Variants in SAMSN1 observed in about 807,000 individuals in gnomAD.
The protein encoded by SAMSN1 is SAM domain, SH3 domain and nuclear localization signals 1.
SAMSN1 carries 31 observed loss-of-function variants against 42.0 expected under a neutral mutation model. That is an observed-to-expected ratio of 0.74 (90% CI 0.55 to 1.00). The LOEUF (loss-of-function observed/expected upper bound fraction) is 1.00, where lower values mean the gene tolerates loss of function less well. SAMSN1 is among the 50% of genes least tolerant of loss of function. SAMSN1 has a pLI of 0.00. For synonymous variants in SAMSN1, 178 were observed against 151.9 expected, an observed-to-expected ratio of 1.17 and a Z score of -1.26; for missense variants, 464 against 439.4, an observed-to-expected ratio of 1.06 and a Z score of -0.50.
rs376497126 is a variant in SAMSN1 at position 14,611,675 on chromosome 21, A to G, written c.235+1201T>C. On this transcript the variant is annotated intron_variant, in intron 4 of 15. Coordinates refer to the SAMSN1 transcript ENST00000647101. Reference sequence around the variant, plus strand: ...ATTCAAATTAGGGCTGATATTCAAAATATTTAACAACGAGTGACTGCAGGA... The same window carrying G: ...ATTCAAATTAGGGCTGATATTCAAAGTATTTAACAACGAGTGACTGCAGGA... 7.4e-4 allele frequency among the ~76,000 whole-genome samples: 113 copies of G among 152,316 alleles called. 1 individual carries two copies. The South Asian group carries it at 8.1e-3, about 11-fold the overall frequency.
intron 2 of SAMSN1, among the ~76,000 whole-genome samples, chr21:14,572,286 G>T (rs960282566): frequency 6.6e-6 from 1 of 152,088 alleles, no homozygotes; most frequent in African/African-American, 2.4e-5. Flanking sequence ...ATTCCACAAA[G>T]AAATCTTTGT....
rs764162016 is a variant in SAMSN1, at chr21:14,486,083, G to A, written c.951C>T (p.Pro317=). The A allele has an allele frequency of 4.8e-5, 77 of 1,613,388 alleles. No individual in the cohort carries two copies. Among genetic ancestry groups the A allele is most frequent in the Non-Finnish European group, 6.4e-5 (76 of 1,179,674 alleles). The part of the protein sequence containing the change: ...IIQEQENEPE[P]LSLSSDISLN... The stretch of plus-strand genomic sequence containing the variant: ...AGGAGATGTCTGAGCTCAAGGATAG[G>A]GGCTCAGGTTCATTTTCTTGCTCTT... Residue 317 remains proline, a synonymous_variant, in exon 8 of 8, where the codon CCC becomes CCT. Coordinates refer to ENST00000400566, the MANE Select transcript of SAMSN1 (RefSeq NM_022136.5).
At chr21:14,566,044 A>C (rs943851883) in intron 2 of SAMSN1, among the ~76,000 whole-genome samples, 1 of 152,186 alleles carries the variant, frequency 6.6e-6, no homozygotes, top group South Asian at 2.1e-4. Context: ...GTTATTAGTA[A>C]AGACATAATC....
At chr21:14,539,594 A>G (rs1215413000) in intron 1 of SAMSN1, among the ~76,000 whole-genome samples, 1 of 151,870 alleles carries the variant, frequency 6.6e-6, no homozygotes, top group Non-Finnish European at 1.5e-5. Flanking sequence ...AAGGGATGTG[A>G]AGGACCTCTT....
chr21:14,638,319 A>AT (rs950665208), intron 2 of SAMSN1, among the ~76,000 whole-genome samples: 3 of 152,050 alleles, frequency 2.0e-5, no homozygotes, highest in Non-Finnish European at 2.9e-5. Flanking sequence ...TGTTTTACTC[A>AT]TTTTTTATAT....
chr21:14,620,305 G>A (rs1982967884), intron 2 of SAMSN1, among the ~76,000 whole-genome samples: 1 of 152,084 alleles, frequency 6.6e-6, no homozygotes, highest in Non-Finnish European at 1.5e-5. Context: ...TCCCTATGCT[G>A]TTCTCGTGAT....
chr21:14,489,603 C>G (rs1040235829), intron 7 of SAMSN1, among the ~76,000 whole-genome samples: 7 of 152,068 alleles, frequency 4.6e-5, no homozygotes, highest in African/African-American at 1.7e-4. Flanking sequence ...AAGGGTCTTT[C>G]TTATTGCTGC....
intron 2 of SAMSN1, among the ~76,000 whole-genome samples, chr21:14,564,150 A>C (rs1981033082): frequency 6.6e-6 from 1 of 152,138 alleles, no homozygotes; most frequent in African/African-American, 2.4e-5. Flanking sequence ...GAACCCATGC[A>C]ATTGATTTCA....
intron 5 of SAMSN1, among the ~76,000 whole-genome samples, chr21:14,505,966 A>G (rs1430572268): frequency 2.0e-5 from 3 of 151,944 alleles, no homozygotes; most frequent in African/African-American, 7.2e-5. Flanking sequence ...CCATGCAAAT[A>G]TATGATCCCT....
chr21:14,601,852 A>G (rs551296426), intron 6 of SAMSN1, among the ~76,000 whole-genome samples: 1 of 152,340 alleles, frequency 6.6e-6, no homozygotes, highest in East Asian at 1.9e-4. Flanking sequence ...TTTTTCATTT[A>G]TATTTCAATT....
At chr21:14,628,673 T>G (rs1406382298) in intron 2 of SAMSN1, among the ~76,000 whole-genome samples, 4 of 152,276 alleles carry the variant, frequency 2.6e-5, no homozygotes, top group African/African-American at 9.6e-5. Context: ...AAGTTATGAA[T>G]GAGATCACTT....
intron 2 of SAMSN1, among the ~76,000 whole-genome samples, chr21:14,639,145 C>T (rs1983535997): frequency 6.6e-6 from 1 of 152,204 alleles, no homozygotes; most frequent in Admixed American, 6.5e-5. Context: ...TCAATATAGA[C>T]AGCAAGTCAG....
At chr21:14,520,755 G>T (rs1033997635) in intron 2 of SAMSN1, among the ~76,000 whole-genome samples, 1 of 152,150 alleles carries the variant, frequency 6.6e-6, no homozygotes, top group African/African-American at 2.4e-5. Flanking sequence ...CGGAGCTATG[G>T]GAAGGTCGTG....
chr21:14,652,586 A>G (rs951170585), intron 1 of SAMSN1, among the ~76,000 whole-genome samples: 2 of 152,100 alleles, frequency 1.3e-5, no homozygotes, highest in Admixed American at 6.6e-5. Context: ...CTATGAAACT[A>G]GAAGAAAACA....
At chr21:14,593,594 A>G (rs1982156920) in intron 7 of SAMSN1, 1 of 153,560 alleles carries the variant, frequency 6.5e-6, no homozygotes, top group South Asian at 2.0e-4. Flanking sequence ...CCAATTAATT[A>G]CTTGATTTCC....
chr21:14,528,848 G>A (rs766698778), intron 1 of SAMSN1, among the ~76,000 whole-genome samples: 1 of 151,718 alleles, frequency 6.6e-6, no homozygotes, highest in Non-Finnish European at 1.5e-5. Context: ...TGCCATGACC[G>A]TTACCGAGAG....
At chr21:14,618,691 TGCGCGCGCGCGCACGCGC>T (rs1314676475) in intron 2 of SAMSN1, among the ~76,000 whole-genome samples, 4 of 15,764 alleles carry the variant, frequency 2.5e-4, no homozygotes, top group African/African-American at 5.8e-4. Flanking sequence ...TGTGTGTGTG[TGCGCGCGCGCGCACGCGC>T]GTGTGTGTGT....
chr21:14,600,837 G>A (rs1321360112), intron 6 of SAMSN1, among the ~76,000 whole-genome samples: 1 of 152,088 alleles, frequency 6.6e-6, no homozygotes, highest in Non-Finnish European at 1.5e-5. Context: ...TCTTCCAGCT[G>A]TGCTTGTGCA....
At chr21:14,490,464 C>T (rs1986635543) in intron 7 of SAMSN1, among the ~76,000 whole-genome samples, 1 of 152,124 alleles carries the variant, frequency 6.6e-6, no homozygotes, top group Non-Finnish European at 1.5e-5. Flanking sequence ...AATGAAAACC[C>T]AGCCACTGTT....
Sources: gnomAD v4.1 joint callset for allele counts (sites outside exome capture counted in the v4.1 genomes callset) on GRCh38, gnomAD v4.1.1 for gene constraint, MANE v1.5 for transcripts, NCBI Gene and HGNC (gene_info 2026-07-23, HGNC 2026-07-21) for gene names.